The following PSD2 variants were observed in gnomAD, a reference collection of about 807,000 sequenced individuals.
PSD2 encodes pleckstrin and Sec7 domain containing 2.
Under a neutral mutation model 69.8 loss-of-function variants are expected in PSD2, and 38 were observed. That is an observed-to-expected ratio of 0.54 (90% CI 0.42 to 0.71). The LOEUF is 0.71. Ranked by LOEUF, PSD2 falls within the 30% of genes least tolerant of loss-of-function variation. PSD2 has a pLI of 0.00. For missense variants in PSD2, 943 were observed against 1,014.5 expected (o/e 0.93, Z 0.96); for synonymous variants, 412 against 423.0 (o/e 0.97, Z 0.32).
chr5:139,835,660 G>A (rs1760696943), intron 8 of PSD2, 63 bp from the exon 9 acceptor site: 1 of 1,510,130 alleles, frequency 6.6e-7, no homozygotes, highest in Non-Finnish European at 9.2e-7. Context: ...TGTTATTGGT[G>A]GTAGATGAGG....
At chr5:139,759,099 T>C in the PSD2 span, among the ~76,000 whole-genome samples, 26 of 152,122 alleles carry the variant, frequency 1.7e-4, no homozygotes, top group Non-Finnish European at 3.5e-4. Context: ...CTGAAATCTC[T>C]GCCCTGGTCT....
At chr5:139,763,377 G>A in the PSD2 span, among the ~76,000 whole-genome samples, 1 of 152,270 alleles carries the variant, frequency 6.6e-6, no homozygotes, top group South Asian at 2.1e-4. Context: ...TCCCCCTGGG[G>A]TGCCCACCTT....
chr5:139,803,245 G>C (rs17118436), intron 1 of PSD2, among the ~76,000 whole-genome samples: 45,258 of 152,154 alleles, frequency 0.3, 7,835 homozygotes, highest in African/African-American at 0.49. Flanking sequence ...GGGAGTCTTT[G>C]ATTTGCCTCT....
At chr5:139,750,281 T>C in the PSD2 span, among the ~76,000 whole-genome samples, 2 of 152,034 alleles carry the variant, frequency 1.3e-5, no homozygotes, top group Admixed American at 6.6e-5. Flanking sequence ...GCTGAGATCA[T>C]GCCACTGCAC....
At position 139,843,399 on chromosome 5, in the gene PSD2, G is replaced by A. The variant is rs138517799; in HGVS notation, c.*925G>A. The stretch of plus-strand genomic sequence containing the variant: ...AAATAGAGCGTGTATGCACCGCCCC[G>A]TTTGTCCCATGGATATCCTGGGGTG... On this transcript the variant is annotated 3_prime_UTR_variant, in exon 15 of 15. Transcript: ENST00000274710. 3 of 152,342 alleles carry A rather than the reference G, an allele frequency of 2.0e-5. No homozygotes were observed. Among genetic ancestry groups the A allele is most frequent in the South Asian group, 2.1e-4 (1 of 4,828 alleles). 9.4% of individuals were successfully genotyped at this position (152,342 alleles called of 1,614,324 possible).
At chr5:139,759,534 T>C in the PSD2 span, among the ~76,000 whole-genome samples, 1 of 151,952 alleles carries the variant, frequency 6.6e-6, no homozygotes, top group Non-Finnish European at 1.5e-5. Context: ...GGATGACAGG[T>C]TGTGGGAACA....
the PSD2 span, among the ~76,000 whole-genome samples, chr5:139,789,175 G>A: frequency 6.6e-6 from 1 of 152,182 alleles, no homozygotes; most frequent in Non-Finnish European, 1.5e-5. Flanking sequence ...TCATTCTTCG[G>A]TTCATCACTC....
At chr5:139,798,043 T>C (rs1285561609) in intron 1 of PSD2, among the ~76,000 whole-genome samples, 1 of 152,252 alleles carries the variant, frequency 6.6e-6, no homozygotes, top group African/African-American at 2.4e-5. Flanking sequence ...CAACAGACGA[T>C]GCTCTAGACC....
the PSD2 span, chr5:139,744,796 TC>T: frequency 6.6e-6 from 1 of 152,282 alleles, no homozygotes; most frequent in South Asian, 2.1e-4. Context: ...GGCAATCTTG[TC>T]CCTGCCCCAC....
rs751218360 is a variant in PSD2 at position 139,837,202 on chromosome 5, C to T, written c.1629C>T (p.Tyr543=). The change falls in exon 11 of 15, where the codon TAC becomes TAT. Residue 543 remains tyrosine (Y), a synonymous_variant. Transcript: ENST00000274710. The surrounding 1 kb of genome is among the most constrained non-coding windows in gnomAD (Gnocchi z 5.0). ...GGAGGCGTGGCTGGAAGAAATTCTA[C>T]GCAGTGCTCAAAGGGACCATCCTGT... ...PRGRRGWKKF[Y]AVLKGTILYL... is the part of the protein sequence containing the mutation. 3.0e-5 allele frequency: 48 copies of T among 1,613,952 alleles called. No homozygotes were observed. The highest frequency in any genetic ancestry group is 3.5e-5 in the Non-Finnish European group (41 of 1,179,942).
chr5:139,840,676 G>A (rs1015846312), intron 14 of PSD2, among the ~76,000 whole-genome samples: 4 of 150,914 alleles, frequency 2.7e-5, no homozygotes, highest in South Asian at 2.1e-4. Context: ...TCAGCCTCCC[G>A]AACAACTGGG....
intron 6 of PSD2, 65 bp downstream of exon 6, chr5:139,822,070 C>A: frequency 9.6e-7 from 1 of 1,039,642 alleles, no homozygotes; most frequent in Non-Finnish European, 1.5e-6. Flanking sequence ...GGTCCCCTCC[C>A]ATCCTGGTCC....
chr5:139,809,911 C>T (rs956339960), intron 2 of PSD2, 100 bp downstream of exon 2: 8 of 1,324,152 alleles, frequency 6.0e-6, no homozygotes, highest in Non-Finnish European at 8.3e-6. Flanking sequence ...TTGTTTTTCT[C>T]ACACATAAAA....
chr5:139,830,614 C>CT (rs1238763508), intron 7 of PSD2, among the ~76,000 whole-genome samples: 1 of 89,770 alleles, frequency 1.1e-5, no homozygotes, highest in Admixed American at 1.2e-4. Flanking sequence ...CTTTCTCTTT[C>CT]TTTCTTTCTT....
rs566629094 is a variant in PSD2, at chr5:139,839,422, A to T, written c.1969-605A>T. On this transcript the variant is annotated intron_variant, in intron 13 of 14. Coordinates refer to ENST00000274710, the MANE Select transcript of PSD2 (RefSeq NM_032289.4). This position sits in a 1 kb window ranked among gnomAD's most constrained non-coding sequence, Gnocchi z 5.1. ...ATGTGCACAAACCATACACATTCAC[A>T]TGTGTAAACACACAGGTGGTGACTC... is the stretch of plus-strand genomic sequence containing the variant. 6.6e-6 allele frequency among the ~76,000 whole-genome samples: 1 copy of T among 152,342 alleles called. No homozygotes were observed. Among genetic ancestry groups the T allele is most frequent in the African/African-American group, 2.4e-5 (1 of 41,584 alleles).
chr5:139,788,179 GCC>G, the PSD2 span, among the ~76,000 whole-genome samples: 6 of 125,164 alleles, frequency 4.8e-5, no homozygotes, highest in South Asian at 2.6e-4. Flanking sequence ...CCCCCCCCGC[GCC>G]CCCCCCCGAA....
chr5:139,807,260 C>T (rs1759832413), intron 1 of PSD2, among the ~76,000 whole-genome samples: 1 of 152,228 alleles, frequency 6.6e-6, no homozygotes, highest in African/African-American at 2.4e-5. Flanking sequence ...AGAGCCAATG[C>T]TCATCCAGGC....
chr5:139,749,785 T>TA, the PSD2 span, among the ~76,000 whole-genome samples: 272 of 148,996 alleles, frequency 1.8e-3, no homozygotes, highest in African/African-American at 6.6e-3. Context: ...TGCTTGAGCC[T>TA]AGGAGTTTGA....
chr5:139,759,340 G>A, the PSD2 span, among the ~76,000 whole-genome samples: 3 of 151,886 alleles, frequency 2.0e-5, no homozygotes, highest in Non-Finnish European at 2.9e-5. Flanking sequence ...GCTTGGCGGC[G>A]CCTCGTTTCC....
Sources: allele counts gnomAD v4.1 joint callset (sites outside exome capture counted in the v4.1 genomes callset), GRCh38; gene constraint gnomAD v4.1.1; non-coding constraint Gnocchi (gnomAD v3.1); transcripts MANE v1.5; gene names NCBI Gene and HGNC (gene_info 2026-07-23, HGNC 2026-07-21).